Variants in NCOR2 observed in about 807,000 individuals in gnomAD.
NCOR2 encodes CTG repeat protein 26.
Under a neutral mutation model 262.9 loss-of-function variants are expected in NCOR2, and 81 were observed. The ratio of observed to expected loss-of-function variants is 0.31; its 90% CI spans 0.26 to 0.37. The LOEUF (loss-of-function observed/expected upper bound fraction) is 0.37. Ranked by LOEUF, NCOR2 falls within the 10% of genes least tolerant of loss-of-function variation. NCOR2 has a pLI of 1.00. For missense variants in NCOR2, 3,385 were observed against 3,621.4 expected, an observed-to-expected ratio of 0.93 and a Z score of 1.68; for synonymous variants, 1,659 against 1,559.3, an observed-to-expected ratio of 1.06 and a Z score of -1.51.
intron 4 of NCOR2, 125 bp from the exon 7 acceptor site, chr12:124,466,411 CT>C (rs1223331143): frequency 1.3e-6 from 1 of 794,686 alleles, no homozygotes; most frequent in Admixed American, 2.9e-5. Context: ...AGTCAGGCTG[CT>C]ACACATTTCC....
chr12:124,552,911 C>G (rs2051758725), intron 1 of NCOR2, among the ~76,000 whole-genome samples: 1 of 152,194 alleles, frequency 6.6e-6, no homozygotes, highest in Non-Finnish European at 1.5e-5. Context: ...TCTTGAACTC[C>G]TGGCCTCAAG....
rs769264421 is a variant in NCOR2, at chr12:124,333,256, G to A, written c.6629C>T (p.Ser2210Leu). ...ACCGTCCTCACCACCACCCAAGACCGACGTCTTGTTTGGCTCTGGAGACCT... is the reference window on the plus strand; with the variant it reads ...ACCGTCCTCACCACCACCCAAGACCAACGTCTTGTTTGGCTCTGGAGACCT... The change falls in exon 42 of 47, where the codon TCG becomes TTG. Residue 2210 changes from serine (S) to leucine (L), a missense_variant. Transcript: ENST00000405201. 28 of 1,610,120 alleles carry A rather than the reference G, an allele frequency of 1.7e-5. No individual in the cohort carries two copies. Among genetic ancestry groups the A allele is most frequent in the East Asian group, 2.2e-5 (1 of 44,720 alleles).
chr12:124,440,414 C>G lies in NCOR2; in HGVS notation c.816-2418G>C, dbSNP rs141596991. 2.4e-3 allele frequency among the ~76,000 whole-genome samples: 368 copies of G among 152,268 alleles called. No homozygotes were observed. Among genetic ancestry groups the G allele is most frequent in the African/African-American group, 8.0e-3 (332 of 41,566 alleles). On this transcript the variant is annotated intron_variant, in intron 7 of 46. Coordinates refer to ENST00000405201, the Ensembl canonical transcript of NCOR2. This position sits in a 1 kb window ranked among gnomAD's most constrained non-coding sequence, Gnocchi z 5.7. ...CAGGGCCTCCCCACCTTCCATCAGT[C>G]TGGCCGCCGCCCCCCGGCCAGGGTG...
chr12:124,331,877 A>G (rs2035231327), intron 43 of NCOR2: 1 of 165,982 alleles, frequency 6.0e-6, no homozygotes, highest in Non-Finnish European at 1.3e-5. Context: ...TTGCCCACCC[A>G]CTCACGTATT....
rs1362960364 is a variant in NCOR2 at position 124,503,807 on chromosome 12, G to A, written c.-117-8439C>T. 1.3e-5 allele frequency among the ~76,000 whole-genome samples: 2 copies of A among 152,170 alleles called. No individual in the cohort carries two copies. Among genetic ancestry groups the A allele is most frequent in the Non-Finnish European group, 2.9e-5 (2 of 68,032 alleles). On this transcript the variant is annotated intron_variant, in intron 1 of 46. Coordinates refer to the NCOR2 transcript ENST00000404621. This position sits in a 1 kb window ranked among gnomAD's most constrained non-coding sequence, Gnocchi z 4.3. The stretch of plus-strand genomic sequence containing the variant: ...GGATGGATGCACACACTCATCACCA[G>A]ATGGGTATCAACTTAGCTGCTTCAT...
chr12:124,505,463 G>C (rs1457141048), intron 1 of NCOR2, among the ~76,000 whole-genome samples: 4 of 151,880 alleles, frequency 2.6e-5, no homozygotes, highest in Non-Finnish European at 5.9e-5. Flanking sequence ...TGTAGGAGCA[G>C]GAGCTATGGA....
At chr12:124,494,292 C>T (rs1456595132) in intron 1 of NCOR2, among the ~76,000 whole-genome samples, 1 of 152,126 alleles carries the variant, frequency 6.6e-6, no homozygotes, top group Non-Finnish European at 1.5e-5. Context: ...CTGTGACCTC[C>T]AGGCCTCACA....
intron 1 of NCOR2, chr12:124,555,989 AAGACAACCTCGAG>A (rs1332080907): frequency 1.3e-5 from 2 of 152,248 alleles, no homozygotes; most frequent in Non-Finnish European, 2.9e-5. Context: ...CATAACGCTC[AAGACAACCTCGAG>A]AGACGAGGAA....
chr12:124,496,123 G>A (rs117676185), upstream of NCOR2, among the ~76,000 whole-genome samples: 87 of 152,172 alleles, frequency 5.7e-4, no homozygotes, highest in Non-Finnish European at 1.2e-3. The surrounding 1 kb of genome is among the most constrained non-coding windows in gnomAD (Gnocchi z 4.4). Context: ...AAGCGGGCTA[G>A]CAGCTTTACA....
At chr12:124,439,240 C>G (rs1480419403) in intron 7 of NCOR2, among the ~76,000 whole-genome samples, 1 of 136,014 alleles carries the variant, frequency 7.4e-6, no homozygotes, top group African/African-American at 2.9e-5. Context: ...CAGAGGGAGA[C>G]AGAGACCCAG....
chr12:124,354,430 C>T (rs1188071128), intron 26 of NCOR2, 48 bp downstream of exon 28: 11 of 1,434,826 alleles, frequency 7.7e-6, no homozygotes, highest in Admixed American at 2.6e-5. Context: ...TTTGGGCACC[C>T]GAGGAACAGG....
At chr12:124,354,611 G>A (rs376864415) in intron 25 of NCOR2, 29 bp from the exon 28 acceptor site, 48 of 1,495,272 alleles carry the variant, frequency 3.2e-5, no homozygotes, top group South Asian at 5.3e-5. Flanking sequence ...AGCGAGTCAC[G>A]TGCTGCCGGA....
At chr12:124,470,749 ACACTGCAAATGTACGAAATGC>A (rs931855043) in intron 4 of NCOR2, among the ~76,000 whole-genome samples, 3 of 152,254 alleles carry the variant, frequency 2.0e-5, no homozygotes, top group Non-Finnish European at 2.9e-5. Flanking sequence ...CAGCTGCACA[ACACTGCAAATGTACGAAATGC>A]CACTGAATTG....
intron 13 of NCOR2, among the ~76,000 whole-genome samples, chr12:124,412,748 C>T (rs563691789): frequency 2.0e-5 from 3 of 152,272 alleles, no homozygotes; most frequent in Admixed American, 6.5e-5. Flanking sequence ...CCTAGACCAA[C>T]GCCTGGGAGC....
intron 23 of NCOR2, among the ~76,000 whole-genome samples, chr12:124,356,245 G>A (rs770859534): frequency 6.6e-6 from 1 of 152,250 alleles, no homozygotes; most frequent in East Asian, 1.9e-4. Context: ...CAGCTGGTGA[G>A]GCCCAGCAGG....
intron 18 of NCOR2, among the ~76,000 whole-genome samples, chr12:124,375,263 A>C (rs1474948691): frequency 6.6e-6 from 1 of 152,154 alleles, no homozygotes; most frequent in Non-Finnish European, 1.5e-5. Context: ...TTGGGAGGCC[A>C]ACGCTGAGGG....
intron 1 of NCOR2, among the ~76,000 whole-genome samples, chr12:124,547,628 C>CTTTT (rs1162257005): frequency 1.3e-5 from 2 of 152,246 alleles, no homozygotes; most frequent in African/African-American, 4.8e-5. Context: ...TTTCATCACT[C>CTTTT]TAAAAGGAGA....
intron 13 of NCOR2, among the ~76,000 whole-genome samples, chr12:124,417,679 T>C (rs2042984509): frequency 6.6e-6 from 1 of 152,228 alleles, no homozygotes; most frequent in African/African-American, 2.4e-5. Context: ...CTGCTGCCTC[T>C]CATACCTCAG....
upstream of NCOR2, among the ~76,000 whole-genome samples, chr12:124,496,212 C>T (rs1440098097): frequency 1.3e-5 from 2 of 151,896 alleles, no homozygotes; most frequent in Non-Finnish European, 2.9e-5. This position sits in a 1 kb window ranked among gnomAD's most constrained non-coding sequence, Gnocchi z 4.4. Flanking sequence ...CTGCCTTTGC[C>T]AGGAAACCCC....
Sources: allele counts gnomAD v4.1 joint callset (sites outside exome capture counted in the v4.1 genomes callset), GRCh38; gene constraint gnomAD v4.1.1; non-coding constraint Gnocchi (gnomAD v3.1); transcripts MANE v1.5; gene names NCBI Gene and HGNC (gene_info 2026-07-23, HGNC 2026-07-21).